CAP1: variants seen among roughly 807,000 people sequenced by gnomAD.
CAP1 encodes adenylyl cyclase-associated protein 1.
Under a neutral mutation model 58.2 loss-of-function variants are expected in CAP1, and 11 were observed. The observed-to-expected ratio is 0.19, with a 90% CI of 0.12 to 0.31. CAP1 has a LOEUF of 0.31. CAP1 is among the 10% of genes least tolerant of loss of function. CAP1 has a pLI of 1.00. For missense variants in CAP1, 423 were observed against 587.5 expected (o/e 0.72, Z 2.89); for synonymous variants, 183 against 213.8 (o/e 0.86, Z 1.26).
intron 3 of CAP1, among the ~76,000 whole-genome samples, chr1:40,060,471 T>C (rs1646801759): frequency 1.3e-5 from 2 of 152,218 alleles, no homozygotes; most frequent in South Asian, 4.1e-4. Context: ...TCCCAACATA[T>C]TACATAATCA....
At chr1:40,042,534 A>G (rs1645885348) in intron 1 of CAP1, among the ~76,000 whole-genome samples, 1 of 152,222 alleles carries the variant, frequency 6.6e-6, no homozygotes, top group South Asian at 2.1e-4. Context: ...CTGGAATTCT[A>G]GTAATGGCTG....
chr1:40,047,202 CATT>C (rs1646147259), intron 1 of CAP1, among the ~76,000 whole-genome samples: 1 of 139,460 alleles, frequency 7.2e-6, no homozygotes, highest in Non-Finnish European at 1.5e-5. Context: ...ACCAAAATGT[CATT>C]ATGTAATGCA....
chr1:40,051,099 A>G (rs1646345243), intron 1 of CAP1, among the ~76,000 whole-genome samples: 2 of 152,062 alleles, frequency 1.3e-5, no homozygotes, highest in Non-Finnish European at 2.9e-5. Flanking sequence ...AAACCAAGCT[A>G]CCGCCAGTCC....
chr1:40,063,680 T>TG (rs1324851591), intron 4 of CAP1, among the ~76,000 whole-genome samples: 2 of 152,186 alleles, frequency 1.3e-5, no homozygotes, highest in African/African-American at 4.8e-5. Flanking sequence ...GGCAATGCAT[T>TG]GGGGGCTTTC....
At chr1:40,060,316 C>A in intron 3 of CAP1, 146 bp downstream of exon 3, 1 of 558,794 alleles carries the variant, frequency 1.8e-6, no homozygotes, top group Non-Finnish European at 3.2e-6. Context: ...TTTGCCTGTA[C>A]TGAGGAGTTC....
At position 40,069,795 on chromosome 1, in the gene CAP1, C is replaced by T; in HGVS notation, c.914C>T (p.Pro305Leu). The T allele has an allele frequency of 6.2e-7, 1 of 1,606,912 alleles. No individual in the cohort carries two copies. The highest frequency in any genetic ancestry group is 2.2e-5 in the East Asian group (1 of 44,802). ...CCCAAACCATTCTCTGCACCTAAACCCCAAACCAGCCCATCCCCCAAACGA... is the reference window on the plus strand; with the variant it reads ...CCCAAACCATTCTCTGCACCTAAACTCCAAACCAGCCCATCCCCCAAACGA... The part of the protein sequence containing the change: ...SGPKPFSAPK[P>L]QTSPSPKRAT... Residue 305 changes from proline (P) to leucine (L), a missense_variant, in exon 9 of 13, where the codon CCC (proline) becomes CTC (leucine). By Grantham distance (98) the Pro-to-Leu change is moderately conservative. Transcript: ENST00000372805.
At chr1:40,064,666 TC>T in intron 6 of CAP1, 107 bp downstream of exon 6, 1 of 826,644 alleles carries the variant, frequency 1.2e-6, no homozygotes, top group Non-Finnish European at 2.0e-6. Flanking sequence ...AGCCTCAACC[TC>T]CCAGCTCAAA....
rs1647155457 is a variant in CAP1 at position 40,067,673 on chromosome 1, C to T, written c.764C>T (p.Ser255Leu). Residue 255 changes from serine to leucine, a missense_variant, in exon 8 of 13, where the codon TCA becomes TTA. By Grantham distance (145) the Ser-to-Leu change is moderately radical. Coordinates refer to ENST00000372805, the MANE Select transcript of CAP1 (RefSeq NM_006367.4). ...ISCSYESASR[S>L]SLFAQINQGE... ...TGCTCATATGAGTCTGCTTCCCGCTCATCACTGTTCGCGCAGATTAATCAG... is the reference window on the plus strand; with the variant it reads ...TGCTCATATGAGTCTGCTTCCCGCTTATCACTGTTCGCGCAGATTAATCAG... 4.4e-6 allele frequency: 7 copies of T among 1,599,404 alleles called. No homozygotes were observed. The East Asian group carries it at 9.2e-5, about 21-fold the overall frequency.
Position 40,046,194 on chromosome 1 carries a change from G to A in CAP1, c.-11+5393G>A, listed in dbSNP as rs558513963. Among the ~76,000 whole-genome samples, 11 of 152,254 alleles carry A rather than the reference G, an allele frequency of 7.2e-5. 1 individual carries two copies. In the South Asian group the frequency reaches 1.9e-3, roughly 26 times the overall value. ...ATATAGGCTGGGCGTGGTGATTCAC[G>A]CCTGTAATCCCAGCATTTTGGGAGG... On this transcript the variant is annotated intron_variant, in intron 1 of 12. Coordinates refer to ENST00000372805, the MANE Select transcript of CAP1 (RefSeq NM_006367.4).
intron 1 of CAP1, among the ~76,000 whole-genome samples, chr1:40,058,735 T>A (rs1480482872): frequency 6.6e-6 from 1 of 151,748 alleles, no homozygotes; most frequent in Non-Finnish European, 1.5e-5. Flanking sequence ...AAAAAAAAAT[T>A]ATTGAGGGAA....
intron 1 of CAP1, among the ~76,000 whole-genome samples, chr1:40,041,734 G>A (rs12070456): frequency 2.0e-5 from 3 of 152,198 alleles, no homozygotes; most frequent in African/African-American, 7.2e-5. Flanking sequence ...CCCTGCCCGC[G>A]TGGAGCTAGC....
intron 8 of CAP1, among the ~76,000 whole-genome samples, chr1:40,068,582 G>A (rs1056175456): frequency 6.6e-6 from 1 of 151,486 alleles, no homozygotes; most frequent in Non-Finnish European, 1.5e-5. Flanking sequence ...CCGGCCTCTT[G>A]ATGAAATGTT....
Position 40,069,086 on chromosome 1 carries a change from T to C in CAP1, c.809-604T>C, listed in dbSNP as rs544996451. ...CTAACTTCAGGTGATCCGCCTGCCT[T>C]GGCCTCCCAGAGTGTGGGATTACAG... On this transcript the variant is annotated intron_variant, in intron 8 of 12. Transcript: ENST00000372805. Among the ~76,000 whole-genome samples, 6 of 152,300 alleles carry C rather than the reference T, an allele frequency of 3.9e-5. No individual in the cohort carries two copies. The South Asian group carries it at 1.2e-3, about 32-fold the overall frequency.
intron 1 of CAP1, among the ~76,000 whole-genome samples, chr1:40,044,236 GA>G (rs917097685): frequency 0.013 from 1,931 of 146,202 alleles, 44 homozygotes; most frequent in African/African-American, 0.046. Flanking sequence ...GTCTCTACCA[GA>G]AAAAAAAAAG....
At chr1:40,053,933 A>G (rs1312846350) in intron 1 of CAP1, among the ~76,000 whole-genome samples, 1 of 152,224 alleles carries the variant, frequency 6.6e-6, no homozygotes, top group Non-Finnish European at 1.5e-5. Context: ...TATTCTAAGA[A>G]GAGTACTTTC....
chr1:40,068,624 C>T (rs1332989673), intron 8 of CAP1, among the ~76,000 whole-genome samples: 1 of 151,328 alleles, frequency 6.6e-6, no homozygotes, highest in Non-Finnish European at 1.5e-5. Flanking sequence ...CTACAGTGAA[C>T]CATGTAATGT....
rs768999754 is a variant in CAP1, at chr1:40,060,176, G to T, written c.216+6G>T. ...GGGGAGACGTGCAGAAACATGTAAGGATGTTTTGCCTTTTTCCCCTTCTTT... is the reference window on the plus strand; with the variant it reads ...GGGGAGACGTGCAGAAACATGTAAGTATGTTTTGCCTTTTTCCCCTTCTTT... On this transcript the variant is annotated splice_donor_region_variant and intron_variant, in intron 3 of 12. Transcript: ENST00000372805. The T allele has an allele frequency of 6.2e-7, 1 of 1,606,732 alleles. No homozygotes were observed. Among genetic ancestry groups the T allele is most frequent in the South Asian group, 1.1e-5 (1 of 90,792 alleles).
rs766280409 is a variant in CAP1, at chr1:40,070,497, G to A, written c.1185G>A (p.Lys395=). The A allele has an allele frequency of 1.2e-6, 2 of 1,613,816 alleles. No individual in the cohort carries two copies. The change falls in exon 11 of 13, where the codon AAG becomes AAA. Residue 395 remains lysine (K), a synonymous_variant. Coordinates refer to ENST00000372805, the MANE Select transcript of CAP1 (RefSeq NM_006367.4). ...GCATTGTGGAGATAATCAACAGTAAGGATGTCAAAGTTCAGGTAACTCGAT... is the reference window on the plus strand; with the variant it reads ...GCATTGTGGAGATAATCAACAGTAAAGATGTCAAAGTTCAGGTAACTCGAT... The part of the protein sequence containing the change: ...VVGIVEIINS[K]DVKVQVMGKV...
intron 1 of CAP1, among the ~76,000 whole-genome samples, chr1:40,049,806 A>C (rs1160304485): frequency 1.3e-5 from 2 of 152,076 alleles, no homozygotes; most frequent in African/African-American, 4.8e-5. Flanking sequence ...TTCTGCCTAT[A>C]ATGTCATTAT....
Sources: gnomAD v4.1 joint callset for allele counts (sites outside exome capture counted in the v4.1 genomes callset) on GRCh38, gnomAD v4.1.1 for gene constraint, MANE v1.5 for transcripts, NCBI Gene and HGNC (gene_info 2026-07-23, HGNC 2026-07-21) for gene names.